The following KCNH7 variants were observed in gnomAD, a reference collection of about 807,000 sequenced individuals.
KCNH7 encodes the protein voltage-gated inwardly rectifying potassium channel KCNH7.
A neutral mutation model predicts 120.8 loss-of-function variants in KCNH7; 49 were observed. The observed-to-expected ratio is 0.41, with a 90% CI of 0.32 to 0.51. The LOEUF (loss-of-function observed/expected upper bound fraction) is 0.51, where lower values mean the gene tolerates loss of function less well. KCNH7 is among the 20% of genes least tolerant of loss of function. The probability of loss-of-function intolerance (pLI) is 0.38; values close to 1 mark genes in which losing one functional copy is unlikely to be tolerated. For missense variants in KCNH7, 1,097 were observed against 1,446.6 expected, an observed-to-expected ratio of 0.76 and a Z score of 3.92; for synonymous variants, 547 against 516.1, an observed-to-expected ratio of 1.06 and a Z score of -0.81.
chr2:162,399,353 T>G (rs1687006272), intron 10 of KCNH7, among the ~76,000 whole-genome samples: 1 of 151,588 alleles, frequency 6.6e-6, no homozygotes, highest in Non-Finnish European at 1.5e-5. Flanking sequence ...TTATTTATTA[T>G]TTTTATTTTT....
At position 162,394,381 on chromosome 2, in the gene KCNH7, T is replaced by C. The variant is rs1407380138; in HGVS notation, c.2710+8A>G. The C allele has an allele frequency of 6.9e-7, 1 of 1,456,714 alleles. No homozygotes were observed. Among genetic ancestry groups the C allele is most frequent in the Non-Finnish European group, 9.6e-7 (1 of 1,038,212 alleles). 90.2% of individuals were successfully genotyped at this position (1,456,714 alleles called of 1,614,324 possible). A position where few individuals can be genotyped will look rare whatever the true frequency, so the allele number is the denominator to read the frequency against. On this transcript the variant is annotated splice_region_variant and intron_variant, in intron 12 of 15. Coordinates refer to ENST00000332142, the MANE Select transcript of KCNH7 (RefSeq NM_033272.4). The stretch of plus-strand genomic sequence containing the variant: ...CTACATTTAAACTTTAGGAATGGAA[T>C]GAATTACCTTTCTCTCCTTCACTTT...
chr2:162,401,681 A>G (rs1454641080), intron 9 of KCNH7, among the ~76,000 whole-genome samples: 2 of 151,936 alleles, frequency 1.3e-5, no homozygotes. Flanking sequence ...TATATTATAA[A>G]GAGGACCAAT....
intron 9 of KCNH7, among the ~76,000 whole-genome samples, chr2:162,417,043 A>G (rs1017812088): frequency 1.3e-5 from 2 of 152,166 alleles, no homozygotes; most frequent in African/African-American, 4.8e-5. Flanking sequence ...AAGATGAACT[A>G]CATCTGAATG....
intron 2 of KCNH7, among the ~76,000 whole-genome samples, chr2:162,539,708 C>T (rs1313939396): frequency 6.6e-6 from 1 of 151,910 alleles, no homozygotes; most frequent in African/African-American, 2.4e-5. Context: ...ATTTATTGCC[C>T]ACTATCATTG....
chr2:162,785,308 T>A (rs931150917), intron 2 of KCNH7: 3 of 152,222 alleles, frequency 2.0e-5, no homozygotes, highest in Non-Finnish European at 2.9e-5. Flanking sequence ...TGAATCACAT[T>A]TAGCTAAATA....
rs1283052019 is a variant in KCNH7, at chr2:162,731,180, G to T, written c.307+105357C>A. On this transcript the variant is annotated intron_variant, in intron 2 of 15. Transcript: ENST00000332142. Reference sequence around the variant, plus strand: ...GAGACTTGAGAAGACCTTCTGCAATGCATTTTGACTCTTAAAGGATTCATG... The same window carrying T: ...GAGACTTGAGAAGACCTTCTGCAATTCATTTTGACTCTTAAAGGATTCATG... Among the ~76,000 whole-genome samples, 4 of 150,174 alleles carry T rather than the reference G, an allele frequency of 2.7e-5. No individual in the cohort carries two copies. The Admixed American group carries it at 2.7e-4, about 10-fold the overall frequency.
chr2:162,529,730 T>A (rs926753043), intron 3 of KCNH7, among the ~76,000 whole-genome samples: 3 of 152,002 alleles, frequency 2.0e-5, no homozygotes, highest in African/African-American at 7.2e-5. Flanking sequence ...AACACACTTT[T>A]CCATTACTAT....
At chr2:162,799,949 T>TAC (rs3052920) in intron 2 of KCNH7, among the ~76,000 whole-genome samples, 80,588 of 146,254 alleles carry the variant, frequency 0.55, 23,555 homozygotes, top group Middle Eastern at 0.69. Context: ...TTTACACACA[T>TAC]ACACACACAC....
intron 2 of KCNH7, among the ~76,000 whole-genome samples, chr2:162,805,858 A>G (rs993945489): frequency 6.6e-6 from 1 of 152,168 alleles, no homozygotes; most frequent in Non-Finnish European, 1.5e-5. Context: ...ATGAGTGGAA[A>G]AAGAAAATGT....
chr2:162,429,575 C>T (rs114607261), intron 8 of KCNH7, among the ~76,000 whole-genome samples: 1,611 of 151,356 alleles, frequency 0.011, 26 homozygotes, highest in African/African-American at 0.038. Context: ...ACACAGATTC[C>T]TATGTTGAGA....
intron 6 of KCNH7, among the ~76,000 whole-genome samples, chr2:162,447,309 A>G (rs1688613103): frequency 6.6e-6 from 1 of 152,124 alleles, no homozygotes; most frequent in South Asian, 2.1e-4. Flanking sequence ...GTCTCTACCA[A>G]GTAGAAAAGT....
intron 2 of KCNH7, among the ~76,000 whole-genome samples, chr2:162,557,954 TA>T (rs1692915765): frequency 1.3e-5 from 2 of 152,180 alleles, no homozygotes; most frequent in Non-Finnish European, 2.9e-5. Context: ...TCTTCAAAGT[TA>T]ATAAAAGAGG....
chr2:162,757,040 C>T (rs1175534098), intron 2 of KCNH7, among the ~76,000 whole-genome samples: 1 of 152,036 alleles, frequency 6.6e-6, no homozygotes, highest in Non-Finnish European at 1.5e-5. Context: ...ATTTACTTTC[C>T]ACCATTTGGG....
intron 2 of KCNH7, among the ~76,000 whole-genome samples, chr2:162,690,947 T>C (rs1442117868): frequency 6.6e-6 from 1 of 152,210 alleles, no homozygotes; most frequent in Non-Finnish European, 1.5e-5. Context: ...GTTCCAATTA[T>C]CTTTTGTTCC....
chr2:162,743,347 T>A, intron 2 of KCNH7, among the ~76,000 whole-genome samples: 1 of 151,668 alleles, frequency 6.6e-6, no homozygotes, highest in South Asian at 2.1e-4. Context: ...GTGGTAACAG[T>A]AAGTAAAAAA....
intron 2 of KCNH7, among the ~76,000 whole-genome samples, chr2:162,750,662 G>T (rs1688506613): frequency 6.6e-6 from 1 of 152,044 alleles, no homozygotes. Flanking sequence ...AAAGTTAAAG[G>T]GTAAGTTAAT....
At chr2:162,654,627 C>G (rs1025991947) in intron 2 of KCNH7, among the ~76,000 whole-genome samples, 10 of 152,088 alleles carry the variant, frequency 6.6e-5, no homozygotes, top group African/African-American at 2.2e-4. Context: ...ACCATATGAT[C>G]TAGCAATTTC....
intron 2 of KCNH7, among the ~76,000 whole-genome samples, chr2:162,678,653 A>C (rs9287822): frequency 0.16 from 24,056 of 151,382 alleles, 2,255 homozygotes; most frequent in East Asian, 0.46. Context: ...TTTGCTTTAG[A>C]GTCCATGAGA....
At chr2:162,736,115 T>G (rs1427935294) in intron 2 of KCNH7, among the ~76,000 whole-genome samples, 2 of 152,090 alleles carry the variant, frequency 1.3e-5, no homozygotes, top group Non-Finnish European at 2.9e-5. Flanking sequence ...CCTGGCCAGG[T>G]GGTGAGGACT....
Sources: gnomAD v4.1 joint callset for allele counts (sites outside exome capture counted in the v4.1 genomes callset) on GRCh38, gnomAD v4.1.1 for gene constraint, MANE v1.5 for transcripts, NCBI Gene and HGNC (gene_info 2026-07-23, HGNC 2026-07-21) for gene names.